Variants in COL18A1 observed in about 807,000 individuals in gnomAD.
The protein encoded by COL18A1 is collagen type XVIII alpha 1 chain.
COL18A1 carries 133 observed loss-of-function variants against 168.0 expected under a neutral mutation model. The observed-to-expected ratio is 0.79, with a 90% CI of 0.69 to 0.91. COL18A1 has a LOEUF of 0.91. Ranked by LOEUF, COL18A1 falls within the 40% of genes least tolerant of loss-of-function variation. The pLI is 0.00. For missense variants in COL18A1, 2,126 were observed against 1,925.4 expected (o/e 1.10, Z -1.95); for synonymous variants, 949 against 809.0 (o/e 1.17, Z -2.94).
Position 45,494,536 on chromosome 21 carries a change from T to A in COL18A1, c.2353-9T>A, listed in dbSNP as rs1205300440. Reference sequence around the variant, plus strand: ...CCACCTAACCCTGTCTTCTTGTTTTTTTGCTCAGGGAGAGCCGGGCTTCCG... The same window carrying A: ...CCACCTAACCCTGTCTTCTTGTTTTATTGCTCAGGGAGAGCCGGGCTTCCG... On this transcript the variant is annotated splice_polypyrimidine_tract_variant and intron_variant, in intron 26 of 41. Coordinates refer to ENST00000651438, the MANE Select transcript of COL18A1 (RefSeq NM_001379500.1). 4 of 1,613,320 alleles carry A rather than the reference T, an allele frequency of 2.5e-6. No homozygotes were observed. Among genetic ancestry groups the A allele is most frequent in the East Asian group, 2.2e-5 (1 of 44,886 alleles).
chr21:45,442,409 C>A (rs2034393916), intron 2 of COL18A1, among the ~76,000 whole-genome samples: 1 of 152,218 alleles, frequency 6.6e-6, no homozygotes, highest in Non-Finnish European at 1.5e-5. Flanking sequence ...GTCTCACTCA[C>A]CATGGGTGTC....
At chr21:45,439,848 G>T (rs1202690745) in intron 2 of COL18A1, among the ~76,000 whole-genome samples, 2 of 152,262 alleles carry the variant, frequency 1.3e-5, no homozygotes, top group Non-Finnish European at 2.9e-5. Flanking sequence ...GCGAGCCTGT[G>T]AAGTCCATTA....
chr21:45,436,858 C>T lies in COL18A1; in HGVS notation c.107-31384C>T, dbSNP rs1426164281. ...GAGTGCCGTGCCTGGGGGTCTGTGA[C>T]TGGGGAGTTGCTGGCTGGGGGGCAG... On this transcript the variant is annotated intron_variant, in intron 2 of 41. Transcript: ENST00000651438. Among the ~76,000 whole-genome samples the T allele has an allele frequency of 3.5e-5, 4 of 113,852 alleles. No homozygotes were observed. In the South Asian group the frequency reaches 8.5e-4, roughly 24 times the overall value. 74.7% of individuals were successfully genotyped at this position (113,852 alleles called of 152,430 possible).
Position 45,505,386 on chromosome 21 carries a change from C to T in COL18A1, c.3042C>T (p.Pro1014=). Residue 1014 remains proline (P), a synonymous_variant, in exon 36 of 42, where the codon CCC becomes CCT. Coordinates refer to ENST00000651438, the MANE Select transcript of COL18A1 (RefSeq NM_001379500.1). Reference sequence around the variant, plus strand: ...TCAGCGTTCCCGGCCCTCCGGGCCCCCCTGGGCCCCCTGGGCCCCCTGGAA... The same window carrying T: ...TCAGCGTTCCCGGCCCTCCGGGCCCTCCTGGGCCCCCTGGGCCCCCTGGAA... ...QTISVPGPPG[P]PGPPGPPGTM... is the part of the protein sequence containing the mutation. 1.9e-6 allele frequency: 3 copies of T among 1,567,404 alleles called. No individual in the cohort carries two copies. Among genetic ancestry groups the T allele is most frequent in the South Asian group, 2.3e-5 (2 of 88,802 alleles).
At chr21:45,421,693 G>C in intron 2 of COL18A1, 1 of 459,306 alleles carries the variant, frequency 2.2e-6, no homozygotes, top group Non-Finnish European at 4.4e-6. Context: ...AGGGTTGGCC[G>C]GGTACTTGCC....
At chr21:45,437,260 A>T (rs1202764044) in intron 2 of COL18A1, among the ~76,000 whole-genome samples, 3 of 124,888 alleles carry the variant, frequency 2.4e-5, no homozygotes, top group Admixed American at 1.5e-4. Context: ...ACACACACTC[A>T]CACACTCAGA....
rs2033681887 is a variant in COL18A1, at chr21:45,423,258, C to T, written c.106+17785C>T. On this transcript the variant is annotated intron_variant, in intron 2 of 41. Coordinates refer to ENST00000651438, the MANE Select transcript of COL18A1 (RefSeq NM_001379500.1). The surrounding 1 kb of genome is among the most constrained non-coding windows in gnomAD (Gnocchi z 4.0). Reference sequence around the variant, plus strand: ...ACATGGTTCTTGAGGGTTAGCTGGTCCAGTTCCCGCGTGTTGGCCGGTCTG... The same window carrying T: ...ACATGGTTCTTGAGGGTTAGCTGGTTCAGTTCCCGCGTGTTGGCCGGTCTG... Among the ~76,000 whole-genome samples the T allele has an allele frequency of 6.6e-5, 10 of 152,298 alleles. No individual in the cohort carries two copies. The South Asian group carries it at 2.1e-3, about 32-fold the overall frequency.
intron 38 of COL18A1, 36 bp from the exon 39 acceptor site, chr21:45,509,320 C>A (rs1283559739): frequency 1.3e-6 from 2 of 1,535,256 alleles, no homozygotes; most frequent in African/African-American, 2.7e-5. Context: ...CCCGGAGGGT[C>A]CCCCCGCCGA....
intron 2 of COL18A1, chr21:45,456,710 GT>G: frequency 6.5e-7 from 1 of 1,532,776 alleles, no homozygotes; most frequent in Non-Finnish European, 8.7e-7. Context: ...CCTGCTGCTG[GT>G]CCCCCCATGC....
chr21:45,458,443 G>A (rs1297949529), intron 2 of COL18A1, among the ~76,000 whole-genome samples: 1 of 152,062 alleles, frequency 6.6e-6, no homozygotes, highest in Non-Finnish European at 1.5e-5. Context: ...GCATCTCAGG[G>A]CTTAGATGTC....
At position 45,480,397 on chromosome 21, in the gene COL18A1, C is replaced by T. The variant is rs1033679920; in HGVS notation, c.1399-70C>T. On this transcript the variant is annotated intron_variant, in intron 11 of 41. Coordinates refer to ENST00000651438, the MANE Select transcript of COL18A1 (RefSeq NM_001379500.1). ...ACAGCTCGATATGCAGCTTGCGGGG[C>T]AGGGGCCAGGAGTAGGCCAGGCGGG... The T allele has an allele frequency of 4.3e-6, 7 of 1,612,140 alleles. No homozygotes were observed. The East Asian group carries it at 6.7e-5, about 15-fold the overall frequency.
intron 5 of COL18A1, 34 bp downstream of exon 5, chr21:45,475,569 AG>A: frequency 6.3e-7 from 1 of 1,580,294 alleles, no homozygotes; most frequent in Non-Finnish European, 8.6e-7. Context: ...CCCACGCTGC[AG>A]GGTCCCGGGA....
chr21:45,495,642 G>A (rs2036504510), intron 29 of COL18A1: 1 of 574,710 alleles, frequency 1.7e-6, no homozygotes, highest in Non-Finnish European at 3.2e-6. Context: ...GCACATATAT[G>A]GCCGTACTCA....
intron 2 of COL18A1, among the ~76,000 whole-genome samples, chr21:45,410,980 C>T (rs893340292): frequency 1.3e-5 from 2 of 152,232 alleles, no homozygotes; most frequent in African/African-American, 4.8e-5. Flanking sequence ...CCTCAGGAAC[C>T]GAGAGAGACC....
At chr21:45,479,130 G>A (rs1285155571) in intron 9 of COL18A1, among the ~76,000 whole-genome samples, 12 of 148,506 alleles carry the variant, frequency 8.1e-5, no homozygotes, top group Non-Finnish European at 1.8e-4. Flanking sequence ...GCACACACAC[G>A]TGTGTATGTA....
rs750120765 is a variant in COL18A1, at chr21:45,476,380, G to GCCA, written c.831_833dup (p.Pro279dup). On this transcript the variant is annotated inframe_insertion, in exon 6 of 42. Coordinates refer to ENST00000651438, the MANE Select transcript of COL18A1 (RefSeq NM_001379500.1). ...CGGCCCTAAAACCCAGGCTCCCCGC[G>GCCA]CCACCCCCCGTCACCACGCCACCCT... The GCCA allele has an allele frequency of 1.2e-6, 2 of 1,613,932 alleles. No homozygotes were observed. Among genetic ancestry groups the GCCA allele is most frequent in the South Asian group, 2.2e-5 (2 of 91,070 alleles).
chr21:45,468,039 G>T (rs1056895264), intron 2 of COL18A1, among the ~76,000 whole-genome samples: 1 of 152,230 alleles, frequency 6.6e-6, no homozygotes, highest in African/African-American at 2.4e-5. Flanking sequence ...CATGGAGCCT[G>T]CCTGTCGTTT....
chr21:45,475,672 G>A, intron 5 of COL18A1, 137 bp downstream of exon 5: 1 of 805,736 alleles, frequency 1.2e-6, no homozygotes, highest in Non-Finnish European at 2.0e-6. Context: ...TCCTGGCTGG[G>A]GACAGGGATG....
rs534355626 is a variant in COL18A1, at chr21:45,407,308, A to T, written c.106+1835A>T. 4.6e-5 allele frequency: 7 copies of T among 152,362 alleles called. No homozygotes were observed. The East Asian group carries it at 1.3e-3, about 29-fold the overall frequency. The allele number at this position is 152,362 out of a possible 1,614,324, so 9.4% of individuals were successfully genotyped here. A position where few individuals can be genotyped will look rare whatever the true frequency, so the allele number is the denominator to read the frequency against. ...TGAAGGCCTGAGGCCCAGTTTGCTG[A>T]TTTGCACATTTTTTTCTGGCCAAGA... On this transcript the variant is annotated intron_variant, in intron 2 of 41. Transcript: ENST00000651438.
Sources: allele counts gnomAD v4.1 joint callset (sites outside exome capture counted in the v4.1 genomes callset), GRCh38; gene constraint gnomAD v4.1.1; non-coding constraint Gnocchi (gnomAD v3.1); transcripts MANE v1.5; gene names NCBI Gene and HGNC (gene_info 2026-07-23, HGNC 2026-07-21).